Variants in RAI14 observed in about 807,000 individuals in gnomAD.
The protein encoded by RAI14 is retinoic acid induced 14, also known as ankycorbin.
Under a neutral mutation model 115.4 loss-of-function variants are expected in RAI14, and 45 were observed. The observed-to-expected ratio is 0.39, with a 90% confidence interval of 0.31 to 0.50. The LOEUF (loss-of-function observed/expected upper bound fraction) is 0.50. Among genes scored for constraint, RAI14 ranks in the 20% least tolerant of loss-of-function variants. The probability of loss-of-function intolerance (pLI) is 0.85; values close to 1 mark genes in which losing one functional copy is unlikely to be tolerated. For missense variants in RAI14, 939 were observed against 1,131.2 expected (o/e 0.83, Z 2.44); for synonymous variants, 371 against 415.4 (o/e 0.89, Z 1.30).
At chr5:34,815,105 G>A (rs1249935291) in intron 12 of RAI14, among the ~76,000 whole-genome samples, 2 of 152,092 alleles carry the variant, frequency 1.3e-5, no homozygotes, top group Non-Finnish European at 2.9e-5. Context: ...AAACTAGGCC[G>A]GGGTTGGTGG....
intron 2 of RAI14, among the ~76,000 whole-genome samples, chr5:34,712,127 G>C (rs1741473703): frequency 6.6e-6 from 1 of 152,052 alleles, no homozygotes; most frequent in Non-Finnish European, 1.5e-5. Context: ...CTTATCTCTA[G>C]TTAAAACCAC....
chr5:34,804,466 A>G (rs1439898622), intron 5 of RAI14, among the ~76,000 whole-genome samples: 1 of 152,238 alleles, frequency 6.6e-6, no homozygotes, highest in East Asian at 1.9e-4. Flanking sequence ...AGCATAGAGC[A>G]ATAAAATACG....
At chr5:34,711,316 GA>G (rs1354691922) in intron 2 of RAI14, among the ~76,000 whole-genome samples, 1 of 152,128 alleles carries the variant, frequency 6.6e-6, no homozygotes, top group Non-Finnish European at 1.5e-5. Flanking sequence ...GCAGGGGGTG[GA>G]TCTCACAAAG....
chr5:34,665,019 GTGTATATATATA>G lies in RAI14; in HGVS notation c.-49+8556_-49+8567del, dbSNP rs1561220483. ...TATATATGTGTATATATATATATAT[GTGTATATATATA>G]TGTATATATATGTGTATATATATGT... On this transcript the variant is annotated intron_variant, in intron 1 of 17. Transcript: ENST00000265109. Among the ~76,000 whole-genome samples, 55 of 38,072 alleles carry G rather than the reference GTGTATATATATA, an allele frequency of 1.4e-3. 20 individuals are homozygous for G. The highest frequency in any genetic ancestry group is 4.9e-3 in the African/African-American group (53 of 10,900). 25.0% of individuals were successfully genotyped at this position (38,072 alleles called of 152,430 possible). A position where few individuals can be genotyped will look rare whatever the true frequency, so the allele number is the denominator to read the frequency against.
At chr5:34,722,718 C>G (rs1343232020) in intron 2 of RAI14, among the ~76,000 whole-genome samples, 1 of 150,324 alleles carries the variant, frequency 6.7e-6, no homozygotes, top group Non-Finnish European at 1.5e-5. Flanking sequence ...TGGTGTTGTG[C>G]TCTTGTAATT....
At chr5:34,664,572 T>C (rs1260859308) in intron 1 of RAI14, among the ~76,000 whole-genome samples, 5 of 152,024 alleles carry the variant, frequency 3.3e-5, no homozygotes, top group Admixed American at 2.6e-4. Context: ...CGATAAGATA[T>C]TCTGTTTTCT....
At chr5:34,783,369 T>G (rs1751902731) in intron 3 of RAI14, among the ~76,000 whole-genome samples, 1 of 152,216 alleles carries the variant, frequency 6.6e-6, no homozygotes, top group African/African-American at 2.4e-5. Context: ...GGGATCCTCC[T>G]GGTATCTCTT....
chr5:34,811,090 G>C lies in RAI14; in HGVS notation c.529G>C (p.Asp177His), dbSNP rs1392048471. Residue 177 changes from aspartate (D) to histidine (H), a missense_variant, in exon 8 of 18, where the codon GAT becomes CAT. Transcript: ENST00000265109. Reference protein sequence around the residue: ...ICHFLLDHGADVNSRNKSGRT... With the variant: ...ICHFLLDHGAHVNSRNKSGRT... ...TCACTTTCTCCTGGATCATGGAGCA[G>C]ATGTCAATTCCAGGAACAAAAGTGG... 1 of 1,614,114 alleles carries C rather than the reference G, an allele frequency of 6.2e-7. No individual in the cohort carries two copies. Among genetic ancestry groups the C allele is most frequent in the East Asian group, 2.2e-5 (1 of 44,874 alleles).
At chr5:34,810,091 GAA>G (rs1475565069) in intron 7 of RAI14, among the ~76,000 whole-genome samples, 1 of 152,160 alleles carries the variant, frequency 6.6e-6, no homozygotes, top group Non-Finnish European at 1.5e-5. Flanking sequence ...ATAGTGCCCA[GAA>G]ATCTATCTGA....
At chr5:34,710,805 A>T (rs552051852) in intron 2 of RAI14, among the ~76,000 whole-genome samples, 34 of 152,348 alleles carry the variant, frequency 2.2e-4, no homozygotes, top group African/African-American at 7.7e-4. Flanking sequence ...ACTTCTGCTC[A>T]GCATGCCAAG....
intron 2 of RAI14, among the ~76,000 whole-genome samples, chr5:34,712,117 C>T (rs1326214272): frequency 7.2e-5 from 11 of 152,096 alleles, no homozygotes; most frequent in Admixed American, 7.2e-4. Context: ...TTTGTGTAGA[C>T]TTATCTCTAG....
At chr5:34,770,681 A>T (rs771117074) in intron 3 of RAI14, among the ~76,000 whole-genome samples, 31 of 152,162 alleles carry the variant, frequency 2.0e-4, no homozygotes, top group Non-Finnish European at 1.5e-5. Flanking sequence ...AGGTGGAAGG[A>T]CGCTTGATGT....
intron 3 of RAI14, among the ~76,000 whole-genome samples, chr5:34,774,987 T>G (rs1328284544): frequency 6.6e-6 from 1 of 152,142 alleles, no homozygotes; most frequent in Non-Finnish European, 1.5e-5. Flanking sequence ...AACTCATTTT[T>G]GACAAAGGTG....
At chr5:34,787,893 A>ATTTTGTTTT (rs1752488842) in intron 3 of RAI14, among the ~76,000 whole-genome samples, 1 of 25,090 alleles carries the variant, frequency 4.0e-5, no homozygotes, top group Non-Finnish European at 8.4e-5. Context: ...GATACTACTG[A>ATTTTGTTTT]TTTTTTTTTT....
At chr5:34,676,408 G>A (rs982544984) in intron 1 of RAI14, among the ~76,000 whole-genome samples, 5 of 152,260 alleles carry the variant, frequency 3.3e-5, no homozygotes, top group East Asian at 1.9e-4. Context: ...AAATAACCTC[G>A]ATTTAAGGGA....
intron 6 of RAI14, 150 bp downstream of exon 6, chr5:34,808,007 C>A (rs1197074198): frequency 7.1e-6 from 5 of 702,232 alleles, no homozygotes; most frequent in East Asian, 2.6e-5. Flanking sequence ...GTTTGTAAAA[C>A]ATACACAGTT....
Position 34,752,729 on chromosome 5 carries a change from G to C in RAI14, c.37-4739G>C, listed in dbSNP as rs1454554118. 7.0e-4 allele frequency among the ~76,000 whole-genome samples: 64 copies of C among 90,918 alleles called. 1 individual carries two copies. Among genetic ancestry groups the C allele is most frequent in the African/African-American group, 2.7e-3 (59 of 22,174 alleles). The allele number at this position is 90,918 out of a possible 152,430, so 59.6% of individuals were successfully genotyped here. ...TGTGTGTGTGTGTGTGTGTGTGTGTGTGTGTGTGTGTGTGTGTGTGTATAT... is the reference window on the plus strand; with the variant it reads ...TGTGTGTGTGTGTGTGTGTGTGTGTCTGTGTGTGTGTGTGTGTGTGTATAT... On this transcript the variant is annotated intron_variant, in intron 2 of 17. Coordinates refer to ENST00000265109, the MANE Select transcript of RAI14 (RefSeq NM_015577.3).
chr5:34,664,135 A>G (rs1486570857), intron 1 of RAI14, among the ~76,000 whole-genome samples: 1 of 152,038 alleles, frequency 6.6e-6, no homozygotes, highest in Non-Finnish European at 1.5e-5. Context: ...CTTACTGTAC[A>G]GTGGAAGGAA....
chr5:34,771,831 T>A (rs907848757), intron 3 of RAI14, among the ~76,000 whole-genome samples: 2 of 152,180 alleles, frequency 1.3e-5, no homozygotes, highest in African/African-American at 4.8e-5. Context: ...ACTTCCAGAT[T>A]TTAGTTTAAA....
Sources: allele counts gnomAD v4.1 joint callset (sites outside exome capture counted in the v4.1 genomes callset), GRCh38; gene constraint gnomAD v4.1.1; transcripts MANE v1.5; gene names NCBI Gene and HGNC (gene_info 2026-07-23, HGNC 2026-07-21).